The following FMNL2 variants were observed in gnomAD, a reference collection of about 807,000 sequenced individuals.
FMNL2 encodes the protein formin-like protein 2.
FMNL2 carries 51 observed loss-of-function variants against 130.2 expected under a neutral mutation model. The observed-to-expected ratio is 0.39, with a 90% CI of 0.31 to 0.49. FMNL2 has a LOEUF of 0.49. Among genes scored for constraint, FMNL2 ranks in the 20% least tolerant of loss-of-function variants. FMNL2 has a pLI of 0.85. For synonymous variants in FMNL2, 465 were observed against 467.1 expected, an observed-to-expected ratio of 1.00 and a Z score of 0.06; for missense variants, 977 against 1,316.2, an observed-to-expected ratio of 0.74 and a Z score of 3.99.
chr2:152,345,804 T>A (rs1289593265), intron 1 of FMNL2, among the ~76,000 whole-genome samples: 2 of 152,150 alleles, frequency 1.3e-5, no homozygotes, highest in African/African-American at 4.8e-5. Flanking sequence ...GGAGAAGCCA[T>A]TTAGAACTCT....
intron 25 of FMNL2, among the ~76,000 whole-genome samples, chr2:152,644,892 TAAG>T (rs1683410297): frequency 6.6e-6 from 1 of 152,180 alleles, no homozygotes; most frequent in South Asian, 2.1e-4. Context: ...TGATGCCTAA[TAAG>T]AAACGAACTT....
At chr2:152,478,179 T>C (rs1034024106) in intron 1 of FMNL2, among the ~76,000 whole-genome samples, 3 of 150,378 alleles carry the variant, frequency 2.0e-5, no homozygotes, top group Non-Finnish European at 4.4e-5. Context: ...TTACATTGTT[T>C]GAAAAATTCT....
rs1296082394 is a variant in FMNL2, at chr2:152,593,902, T to TGTGTGAGA, written c.876+12854_876+12855insTGTGAGAG. ...GTGTGTGTGTGTGTGTGTGTGTGTGTGAGAGAGAGAGAGAGAGAGAGAGAG... is the reference window on the plus strand; with the variant it reads ...GTGTGTGTGTGTGTGTGTGTGTGTGTGTGTGAGAGAGAGAGAGAGAGAGAGAGAGAGAG... On this transcript the variant is annotated intron_variant, in intron 9 of 25. Coordinates refer to ENST00000288670, the MANE Select transcript of FMNL2 (RefSeq NM_052905.4). 1.4e-3 allele frequency among the ~76,000 whole-genome samples: 111 copies of TGTGTGAGA among 81,618 alleles called. 1 individual carries two copies. In the East Asian group the frequency reaches 0.015, roughly 11 times the overall value. 53.5% of individuals were successfully genotyped at this position (81,618 alleles called of 152,430 possible). A position where few individuals can be genotyped will look rare whatever the true frequency, so the allele number is the denominator to read the frequency against.
At chr2:152,612,327 C>T (rs1698726457) in intron 11 of FMNL2, among the ~76,000 whole-genome samples, 1 of 152,152 alleles carries the variant, frequency 6.6e-6, no homozygotes, top group Admixed American at 6.5e-5. Flanking sequence ...CAAGACCAGG[C>T]TAGGCAACAT....
chr2:152,526,028 G>A (rs1411127633), intron 2 of FMNL2, among the ~76,000 whole-genome samples: 1 of 152,166 alleles, frequency 6.6e-6, no homozygotes, highest in Non-Finnish European at 1.5e-5. Flanking sequence ...ATTTGCCATT[G>A]GAATTAAATT....
chr2:152,550,085 T>G (rs1272145397), intron 4 of FMNL2, among the ~76,000 whole-genome samples: 1 of 152,192 alleles, frequency 6.6e-6, no homozygotes, highest in Non-Finnish European at 1.5e-5. Context: ...AGTGAAATAA[T>G]GTTGTTATAA....
intron 1 of FMNL2, among the ~76,000 whole-genome samples, chr2:152,384,121 C>T (rs544161611): frequency 1.3e-5 from 2 of 152,190 alleles, no homozygotes; most frequent in East Asian, 1.9e-4. Flanking sequence ...TTTAAGTTTT[C>T]GTAGCAGCTC....
chr2:152,546,954 T>C (rs1298936382), intron 3 of FMNL2, among the ~76,000 whole-genome samples: 1 of 151,508 alleles, frequency 6.6e-6, no homozygotes, highest in Non-Finnish European at 1.5e-5. Context: ...TTCTTTTTTT[T>C]TTTTTTTTTG....
Position 152,430,720 on chromosome 2 carries a change from A to C in FMNL2, c.118-91223A>C, listed in dbSNP as rs141407325. Among the ~76,000 whole-genome samples, 340 of 152,230 alleles carry C rather than the reference A, an allele frequency of 2.2e-3. 3 individuals are homozygous for C. Among genetic ancestry groups the C allele is most frequent in the Non-Finnish European group, 3.9e-3 (266 of 68,018 alleles). ...AAACCTCGTCTCTACTGAAATACAA[A>C]AAATTAGCGGGGCATGGTGGCACGT... On this transcript the variant is annotated intron_variant, in intron 1 of 25. Transcript: ENST00000288670.
chr2:152,469,810 G>C (rs754146255), intron 1 of FMNL2, among the ~76,000 whole-genome samples: 2 of 152,138 alleles, frequency 1.3e-5, no homozygotes, highest in African/African-American at 2.4e-5. Context: ...TAAAATGGGA[G>C]CAGTATGTGC....
intron 13 of FMNL2, among the ~76,000 whole-genome samples, chr2:152,617,739 A>T (rs966040362): frequency 6.6e-6 from 1 of 152,126 alleles, no homozygotes; most frequent in Non-Finnish European, 1.5e-5. Flanking sequence ...AGTATTGTTT[A>T]CCTTATGTGC....
At chr2:152,569,856 A>G (rs1696078099) in intron 6 of FMNL2, among the ~76,000 whole-genome samples, 1 of 151,632 alleles carries the variant, frequency 6.6e-6, no homozygotes, top group Non-Finnish European at 1.5e-5. Context: ...TAAAAATACA[A>G]AAAAATTAGC....
At chr2:152,584,822 T>C (rs3811572) in intron 9 of FMNL2, among the ~76,000 whole-genome samples, 22,193 of 152,174 alleles carry the variant, frequency 0.15, 2,043 homozygotes, top group African/African-American at 0.27. Context: ...TCTTATATTT[T>C]TTTTCCTTAA....
At chr2:152,445,573 T>C (rs1688286970) in intron 1 of FMNL2, among the ~76,000 whole-genome samples, 1 of 152,220 alleles carries the variant, frequency 6.6e-6, no homozygotes. Context: ...TTAGACAGTG[T>C]AGCTCTAGAC....
intron 1 of FMNL2, among the ~76,000 whole-genome samples, chr2:152,510,939 A>G (rs7582984): frequency 0.85 from 129,555 of 151,798 alleles, 55,826 homozygotes; most frequent in Admixed American, 0.92. Context: ...ATAGGGCAGA[A>G]CTTTACTTCA....
intron 15 of FMNL2, chr2:152,621,113 C>T: frequency 1.0e-6 from 1 of 985,392 alleles, no homozygotes; most frequent in Non-Finnish European, 1.2e-6. Flanking sequence ...GGTGTGGAAA[C>T]CCATTATCGT....
chr2:152,400,410 C>G (rs1212904089), intron 1 of FMNL2, among the ~76,000 whole-genome samples: 1 of 151,804 alleles, frequency 6.6e-6, no homozygotes. Flanking sequence ...CACTCCAGGC[C>G]TGGGTGACAG....
At chr2:152,602,478 C>T (rs773527613) in intron 9 of FMNL2, among the ~76,000 whole-genome samples, 2 of 152,162 alleles carry the variant, frequency 1.3e-5, no homozygotes, top group African/African-American at 2.4e-5. Flanking sequence ...GGCTCCTTGC[C>T]GCTCTGCTCG....
rs561221791 is a variant in FMNL2, at chr2:152,636,767, G to A, written c.2844+177G>A. ...CATTCCCAGGGTTATTCTTGGAAGGGCCCCGTCCTCATTGTCCTTTTCTAA... is the reference window on the plus strand; with the variant it reads ...CATTCCCAGGGTTATTCTTGGAAGGACCCCGTCCTCATTGTCCTTTTCTAA... On this transcript the variant is annotated intron_variant, in intron 22 of 25. Transcript: ENST00000288670. Among the ~76,000 whole-genome samples the A allele has an allele frequency of 2.0e-5, 3 of 152,180 alleles. No homozygotes were observed. The South Asian group carries it at 6.2e-4, about 32-fold the overall frequency.
Sources: allele counts gnomAD v4.1 joint callset (sites outside exome capture counted in the v4.1 genomes callset), GRCh38; gene constraint gnomAD v4.1.1; transcripts MANE v1.5; gene names NCBI Gene and HGNC (gene_info 2026-07-23, HGNC 2026-07-21).